The following FOXN2 variants were observed in gnomAD, a reference collection of about 807,000 sequenced individuals.
The protein encoded by FOXN2 is forkhead box protein N2.
In FOXN2, 19 loss-of-function variants were observed where a neutral mutation model predicts 41.2. The observed-to-expected ratio is 0.46, with a 90% CI of 0.32 to 0.68. The LOEUF is 0.68. Among genes scored for constraint, FOXN2 ranks in the 30% least tolerant of loss-of-function variants. FOXN2 has a pLI of 0.03. For missense variants in FOXN2, 587 were observed against 509.4 expected, an observed-to-expected ratio of 1.15 and a Z score of -1.47; for synonymous variants, 195 against 176.8, an observed-to-expected ratio of 1.10 and a Z score of -0.82.
chr2:48,373,972 T>G (rs1333461100), intron 6 of FOXN2, among the ~76,000 whole-genome samples: 1 of 151,826 alleles, frequency 6.6e-6, no homozygotes, highest in East Asian at 1.9e-4. Context: ...GGAGAATTGC[T>G]TGAACCTGGG....
At chr2:48,357,929 C>G (rs571922296) in intron 3 of FOXN2, among the ~76,000 whole-genome samples, 1 of 149,710 alleles carries the variant, frequency 6.7e-6, no homozygotes, top group Admixed American at 6.7e-5. Context: ...TATCTTGCTG[C>G]TAAACACCAG....
chr2:48,374,845 T>G (rs1020079531), intron 6 of FOXN2, 75 bp from the exon 7 acceptor site: 17 of 1,215,968 alleles, frequency 1.4e-5, no homozygotes, highest in Non-Finnish European at 1.9e-5. Flanking sequence ...TCAAGAGTAA[T>G]GTAGTAGTTT....
chr2:48,353,541 G>C (rs951547521), intron 3 of FOXN2, among the ~76,000 whole-genome samples: 5 of 146,474 alleles, frequency 3.4e-5, no homozygotes, highest in Non-Finnish European at 7.4e-5. Flanking sequence ...TAGTAGAATA[G>C]TCACTTAAGA....
At position 48,340,980 on chromosome 2, in the gene FOXN2, G is replaced by A. The variant is rs558261978; in HGVS notation, c.-14-5221G>A. Among the ~76,000 whole-genome samples the A allele has an allele frequency of 5.9e-5, 9 of 152,050 alleles. No individual in the cohort carries two copies. The South Asian group carries it at 6.2e-4, about 10-fold the overall frequency. On this transcript the variant is annotated intron_variant, in intron 2 of 6. Transcript: ENST00000340553. ...TAGCAGTGTCTTGGCTTAGAAATTC[G>A]TTTATTAGTGGTTGTATTAATTACT...
At chr2:48,342,518 G>A (rs115827578) in intron 2 of FOXN2, among the ~76,000 whole-genome samples, 170 of 152,074 alleles carry the variant, frequency 1.1e-3, no homozygotes, top group African/African-American at 4.0e-3. Context: ...TTCCGAAATG[G>A]CCCTAGGTCC....
At chr2:48,365,913 T>C (rs1227588032) in intron 5 of FOXN2, among the ~76,000 whole-genome samples, 1 of 152,248 alleles carries the variant, frequency 6.6e-6, no homozygotes, top group African/African-American at 2.4e-5. Flanking sequence ...CTTGCCTCTT[T>C]ATATTATTTC....
chr2:48,335,164 C>T (rs532584582), intron 2 of FOXN2, among the ~76,000 whole-genome samples: 3 of 152,220 alleles, frequency 2.0e-5, no homozygotes, highest in Admixed American at 6.5e-5. Flanking sequence ...AAATAGTTCA[C>T]GTTTTGGAAT....
intron 1 of FOXN2, among the ~76,000 whole-genome samples, chr2:48,323,218 T>C (rs1669451852): frequency 2.0e-5 from 3 of 152,182 alleles, no homozygotes. Flanking sequence ...TTTTGGTACA[T>C]GTTTACAACG....
chr2:48,333,375 A>G (rs963716289), intron 2 of FOXN2, among the ~76,000 whole-genome samples: 3 of 152,232 alleles, frequency 2.0e-5, no homozygotes, highest in Middle Eastern at 3.4e-3. Context: ...TACATTTTAT[A>G]TAGATTTAAA....
At chr2:48,345,707 T>G (rs1465069223) in intron 2 of FOXN2, among the ~76,000 whole-genome samples, 2 of 152,176 alleles carry the variant, frequency 1.3e-5, no homozygotes, top group Non-Finnish European at 2.9e-5. Context: ...TAGTTTCTTT[T>G]TATAGTAAAT....
At chr2:48,336,567 C>G (rs183488795) in intron 2 of FOXN2, among the ~76,000 whole-genome samples, 295 of 150,394 alleles carry the variant, frequency 2.0e-3, no homozygotes, top group Non-Finnish European at 3.4e-3. Context: ...ATATAATTTC[C>G]ACACTAGTAG....
At chr2:48,341,977 T>C (rs963094204) in intron 2 of FOXN2, among the ~76,000 whole-genome samples, 1 of 152,186 alleles carries the variant, frequency 6.6e-6, no homozygotes, top group African/African-American at 2.4e-5. Context: ...CTCTGATAAG[T>C]CCATGACCTT....
intron 1 of FOXN2, among the ~76,000 whole-genome samples, chr2:48,318,565 G>T (rs758168589): frequency 6.6e-6 from 1 of 152,058 alleles, no homozygotes; most frequent in Admixed American, 6.5e-5. Flanking sequence ...GCCTCCTTCC[G>T]ATCTCTACTC....
chr2:48,366,527 A>G (rs1672548427), intron 5 of FOXN2, among the ~76,000 whole-genome samples: 1 of 152,126 alleles, frequency 6.6e-6, no homozygotes, highest in Non-Finnish European at 1.5e-5. Flanking sequence ...GACCAGGTAG[A>G]TGTGGTCATT....
Position 48,373,293 on chromosome 2 carries a change from A to G in FOXN2, c.705A>G (p.Glu235=). Residue 235 remains glutamate, a splice_region_variant and synonymous_variant, in exon 6 of 7, where the codon GAA becomes GAG. Coordinates refer to ENST00000340553, the MANE Select transcript of FOXN2 (RefSeq NM_002158.4). ...TATTATTACTTTTTCCCTTTTCAGA[A>G]TCTGATATTGATGCTGCTGCTGCAA... is the stretch of plus-strand genomic sequence containing the variant. ...IKQNQVRNLK[E]SDIDAAAAMM... 6.3e-7 allele frequency: 1 copy of G among 1,587,684 alleles called. No homozygotes were observed. Among genetic ancestry groups the G allele is most frequent in the Non-Finnish European group, 8.6e-7 (1 of 1,163,740 alleles).
intron 3 of FOXN2, among the ~76,000 whole-genome samples, chr2:48,348,199 T>C (rs1572739091): frequency 6.6e-6 from 1 of 152,180 alleles, no homozygotes; most frequent in East Asian, 1.9e-4. Context: ...ATTAGACCAT[T>C]TGCTATTTGT....
intron 2 of FOXN2, among the ~76,000 whole-genome samples, chr2:48,340,100 T>C (rs940550983): frequency 3.9e-5 from 6 of 152,220 alleles, no homozygotes; most frequent in Admixed American, 6.5e-5. Flanking sequence ...AAAAAACCTT[T>C]TGTTAACTCG....
intron 2 of FOXN2, among the ~76,000 whole-genome samples, chr2:48,339,140 T>C (rs986854602): frequency 6.6e-6 from 1 of 152,182 alleles, no homozygotes; most frequent in African/African-American, 2.4e-5. Context: ...TATACAGATA[T>C]ATATGAATGA....
At chr2:48,363,694 T>C (rs933579308) in intron 5 of FOXN2, among the ~76,000 whole-genome samples, 15 of 152,236 alleles carry the variant, frequency 9.9e-5, no homozygotes, top group African/African-American at 3.6e-4. Flanking sequence ...TCATTTACTG[T>C]ACCTTTTCTG....
Sources: allele counts gnomAD v4.1 joint callset (sites outside exome capture counted in the v4.1 genomes callset), GRCh38; gene constraint gnomAD v4.1.1; transcripts MANE v1.5; gene names NCBI Gene and HGNC (gene_info 2026-07-23, HGNC 2026-07-21).